MND1: variants seen among roughly 807,000 people sequenced by gnomAD.
The protein encoded by MND1 is meiotic nuclear division protein 1 homolog.
A neutral mutation model predicts 35.1 loss-of-function variants in MND1; 28 were observed. The ratio of observed to expected loss-of-function variants is 0.80; its 90% CI spans 0.59 to 1.09. The LOEUF (loss-of-function observed/expected upper bound fraction) is 1.09, where lower values mean the gene tolerates loss of function less well. MND1 is among the 50% of genes least tolerant of loss of function. MND1 has a pLI of 0.00. For missense variants in MND1, 213 were observed against 239.6 expected (o/e 0.89, Z 0.73); for synonymous variants, 69 against 70.5 (o/e 0.98, Z 0.11).
intron 6 of MND1, among the ~76,000 whole-genome samples, chr4:153,404,837 G>T (rs958670456): frequency 2.0e-5 from 3 of 151,974 alleles, no homozygotes; most frequent in African/African-American, 7.2e-5. Flanking sequence ...AGACAAAAGA[G>T]AAATAGAAAA....
At chr4:153,352,766 A>C (rs1219473006) in intron 2 of MND1, among the ~76,000 whole-genome samples, 4 of 148,898 alleles carry the variant, frequency 2.7e-5, no homozygotes, top group East Asian at 3.9e-4. Flanking sequence ...AAAAAAAAAA[A>C]AACACAACGA....
chr4:153,365,514 C>T (rs1430539450), intron 4 of MND1, among the ~76,000 whole-genome samples: 1 of 152,086 alleles, frequency 6.6e-6, no homozygotes, highest in Non-Finnish European at 1.5e-5. Flanking sequence ...AATAATCCAA[C>T]TGTAAAGTTA....
chr4:153,382,287 T>A (rs1728732192), intron 4 of MND1, among the ~76,000 whole-genome samples: 1 of 152,246 alleles, frequency 6.6e-6, no homozygotes, highest in Non-Finnish European at 1.5e-5. Context: ...TGTTATTTTT[T>A]AAAGTTATAT....
Position 153,358,568 on chromosome 4 carries a change from T to C in MND1, c.222T>C (p.Phe74=). The C allele has an allele frequency of 6.2e-7, 1 of 1,613,640 alleles. No homozygotes were observed. The highest frequency in any genetic ancestry group is 8.5e-7 in the Non-Finnish European group (1 of 1,179,784). ...RIGTSNYYWA[F]PSKALHARKH... Reference sequence around the variant, plus strand: ...GAACTTCTAATTATTATTGGGCTTTTCCAAGTAAAGCTCTTCATGCAAGGA... The same window carrying C: ...GAACTTCTAATTATTATTGGGCTTTCCCAAGTAAAGCTCTTCATGCAAGGA... Residue 74 remains phenylalanine (F), a synonymous_variant, in exon 4 of 8, where the codon TTT becomes TTC. Coordinates refer to ENST00000240488, the MANE Select transcript of MND1 (RefSeq NM_032117.4).
chr4:153,380,268 C>T (rs927300159), intron 4 of MND1, among the ~76,000 whole-genome samples: 1 of 152,140 alleles, frequency 6.6e-6, no homozygotes, highest in African/African-American at 2.4e-5. Context: ...GTTAATCCCA[C>T]CACACATTGA....
chr4:153,350,995 A>G (rs374336234), intron 2 of MND1, among the ~76,000 whole-genome samples: 8 of 150,916 alleles, frequency 5.3e-5, no homozygotes, highest in African/African-American at 1.9e-4. Flanking sequence ...GGATTTGCCC[A>G]CTAAGTATAA....
intron 4 of MND1, among the ~76,000 whole-genome samples, chr4:153,379,151 G>C (rs925954904): frequency 6.6e-6 from 1 of 151,684 alleles, no homozygotes; most frequent in Non-Finnish European, 1.5e-5. Context: ...TTAGCTGGGC[G>C]TGGTTGCAGG....
intron 4 of MND1, among the ~76,000 whole-genome samples, chr4:153,381,045 G>A (rs187845282): frequency 0.018 from 2,758 of 151,906 alleles, 188 homozygotes; most frequent in Admixed American, 0.13. Flanking sequence ...GACTATAGGC[G>A]CCTGCCACCA....
intron 4 of MND1, among the ~76,000 whole-genome samples, chr4:153,375,692 T>C (rs952437775): frequency 6.6e-6 from 1 of 152,162 alleles, no homozygotes; most frequent in Non-Finnish European, 1.5e-5. Flanking sequence ...TGTTTTTATA[T>C]TCTTTTGCTT....
Position 153,405,311 on chromosome 4 carries a change from G to A in MND1, c.467-3660G>A, listed in dbSNP as rs555238446. Reference sequence around the variant, plus strand: ...CATGCACACTTCGGGAAGCTGAGGCGGGTGGATCATGAGGTCAGGAGATCG... The same window carrying A: ...CATGCACACTTCGGGAAGCTGAGGCAGGTGGATCATGAGGTCAGGAGATCG... On this transcript the variant is annotated intron_variant, in intron 6 of 7. Transcript: ENST00000240488. 5.3e-5 allele frequency among the ~76,000 whole-genome samples: 8 copies of A among 152,218 alleles called. No individual in the cohort carries two copies. In the East Asian group the frequency reaches 5.8e-4, roughly 11 times the overall value.
At chr4:153,379,955 G>A (rs1209769728) in intron 4 of MND1, among the ~76,000 whole-genome samples, 1 of 149,542 alleles carries the variant, frequency 6.7e-6, no homozygotes. Flanking sequence ...CCAAGAGATT[G>A]AGGCTACAGT....
At chr4:153,366,346 A>T (rs771677507) in intron 4 of MND1, among the ~76,000 whole-genome samples, 39 of 152,154 alleles carry the variant, frequency 2.6e-4, no homozygotes, top group Admixed American at 4.6e-4. Context: ...TCTTTGGGGG[A>T]CATTATTTAA....
chr4:153,390,522 T>A (rs913036897), intron 4 of MND1, among the ~76,000 whole-genome samples: 1 of 152,170 alleles, frequency 6.6e-6, no homozygotes, highest in Non-Finnish European at 1.5e-5. Flanking sequence ...AGATGTATAG[T>A]ACCTGAAAGA....
At chr4:153,372,434 G>T (rs1193233456) in intron 4 of MND1, among the ~76,000 whole-genome samples, 1 of 152,108 alleles carries the variant, frequency 6.6e-6, no homozygotes, top group Non-Finnish European at 1.5e-5. Context: ...TTTAAAAGCA[G>T]CTCTAATGAG....
At chr4:153,349,917 T>C in intron 1 of MND1, 147 bp from the exon 2 acceptor site, 2 of 561,414 alleles carry the variant, frequency 3.6e-6, no homozygotes, top group South Asian at 5.4e-5. Context: ...CAGATAGTAA[T>C]TAAAATGAGT....
chr4:153,391,949 T>C (rs1210797660), intron 4 of MND1, among the ~76,000 whole-genome samples: 1 of 151,994 alleles, frequency 6.6e-6, no homozygotes, highest in Non-Finnish European at 1.5e-5. Flanking sequence ...TACTGAGAAG[T>C]GAAAGATTTC....
chr4:153,392,170 C>T (rs546655818), intron 4 of MND1, among the ~76,000 whole-genome samples: 6 of 151,584 alleles, frequency 4.0e-5, no homozygotes, highest in African/African-American at 1.2e-4. Context: ...GGCGCGATCT[C>T]GGCTCACTGC....
chr4:153,351,091 GTC>G (rs1053881802), intron 2 of MND1, among the ~76,000 whole-genome samples: 44 of 152,270 alleles, frequency 2.9e-4, no homozygotes, highest in African/African-American at 1.1e-3. Context: ...AATTGGTGAA[GTC>G]TCTATGTGAA....
chr4:153,402,615 A>G (rs1729373433), intron 6 of MND1, among the ~76,000 whole-genome samples: 1 of 152,188 alleles, frequency 6.6e-6, no homozygotes, highest in South Asian at 2.1e-4. Flanking sequence ...TAGAGGAACA[A>G]AATGCCCCTG....
Sources: allele counts gnomAD v4.1 joint callset (sites outside exome capture counted in the v4.1 genomes callset), GRCh38; gene constraint gnomAD v4.1.1; transcripts MANE v1.5; gene names NCBI Gene and HGNC (gene_info 2026-07-23, HGNC 2026-07-21).